Variants in KDELR2 observed in about 807,000 individuals in gnomAD.
KDELR2 encodes ER lumen protein-retaining receptor 2.
Under a neutral mutation model 23.9 loss-of-function variants are expected in KDELR2, and 15 were observed. The ratio of observed to expected loss-of-function variants is 0.63; its 90% CI spans 0.42 to 0.97. The LOEUF (loss-of-function observed/expected upper bound fraction) is 0.97. Among genes scored for constraint, KDELR2 ranks in the 50% least tolerant of loss-of-function variants. KDELR2 has a pLI of 0.00. For synonymous variants in KDELR2, 119 were observed against 106.2 expected, an observed-to-expected ratio of 1.12 and a Z score of -0.74; for missense variants, 272 against 254.6, an observed-to-expected ratio of 1.07 and a Z score of -0.46.
intron 1 of KDELR2, among the ~76,000 whole-genome samples, chr7:6,478,029 C>A (rs1169018015): frequency 6.6e-6 from 1 of 152,164 alleles, no homozygotes; most frequent in East Asian, 1.9e-4. Flanking sequence ...TGTCAAATTT[C>A]TCCTAGAAAG....
At chr7:6,478,779 T>C (rs1785814194) in intron 1 of KDELR2, among the ~76,000 whole-genome samples, 1 of 152,228 alleles carries the variant, frequency 6.6e-6, no homozygotes, top group Non-Finnish European at 1.5e-5. Flanking sequence ...CAAAGTTTAA[T>C]ATTTATTTTT....
chr7:6,465,310 A>G (rs1283803955), intron 4 of KDELR2, among the ~76,000 whole-genome samples: 2 of 150,844 alleles, frequency 1.3e-5, no homozygotes, highest in East Asian at 2.0e-4. Context: ...CAGCCTCCCG[A>G]GTAACTGGGA....
At chr7:6,483,249 T>C (rs938945880) in intron 1 of KDELR2, among the ~76,000 whole-genome samples, 7 of 152,140 alleles carry the variant, frequency 4.6e-5, no homozygotes, top group African/African-American at 1.7e-4. Context: ...AACCCATTAT[T>C]AGATGGAGGC....
chr7:6,466,292 G>C lies in KDELR2; in HGVS notation c.383C>G (p.Ser128Cys), dbSNP rs755032117. ...AAATAGCTGCGGAAGGATAGCCACG[G>C]ACTCCAGGTAGATGGAGAAGGTCCA... ...ILWTFSIYLE[S>C]VAILPQLFMI... is the part of the protein sequence containing the mutation. Residue 128 changes from serine (S) to cysteine (C), a missense_variant, in exon 4 of 5, where the codon TCC (serine) becomes TGC (cysteine). By Grantham distance (112) the Ser-to-Cys change is moderately radical (BLOSUM62 -1). Transcript: ENST00000258739. 59 of 1,613,954 alleles carry C rather than the reference G, an allele frequency of 3.7e-5. No homozygotes were observed. The highest frequency in any genetic ancestry group is 4.7e-5 in the Non-Finnish European group (56 of 1,180,008).
chr7:6,476,881 G>T (rs768022214), intron 1 of KDELR2, among the ~76,000 whole-genome samples: 7 of 152,160 alleles, frequency 4.6e-5, no homozygotes, highest in African/African-American at 1.7e-4. Flanking sequence ...ACCTCACTCA[G>T]TACCAAGATC....
chr7:6,477,769 C>T (rs1281377938), intron 1 of KDELR2, among the ~76,000 whole-genome samples: 1 of 152,078 alleles, frequency 6.6e-6, no homozygotes, highest in Non-Finnish European at 1.5e-5. Context: ...GCAATCTTCC[C>T]AATGAGGTAT....
At chr7:6,471,911 T>C (rs916192636) in intron 2 of KDELR2, among the ~76,000 whole-genome samples, 2 of 152,132 alleles carry the variant, frequency 1.3e-5, no homozygotes, top group Non-Finnish European at 2.9e-5. Flanking sequence ...TAACTTTTTT[T>C]TTTTTTTTGA....
intron 1 of KDELR2, among the ~76,000 whole-genome samples, chr7:6,483,159 G>A (rs1413028275): frequency 6.6e-6 from 1 of 152,196 alleles, no homozygotes; most frequent in African/African-American, 2.4e-5. Context: ...GAACCAGCCA[G>A]CTCACTGGTG....
chr7:6,463,761 A>G (rs2115320635), intron 4 of KDELR2, among the ~76,000 whole-genome samples: 1 of 151,638 alleles, frequency 6.6e-6, no homozygotes, highest in Non-Finnish European at 1.5e-5. Context: ...GATAAAAAAA[A>G]AAAAAAACAC....
At chr7:6,464,461 G>A (rs1785456567) in intron 4 of KDELR2, among the ~76,000 whole-genome samples, 1 of 152,094 alleles carries the variant, frequency 6.6e-6, no homozygotes, top group Non-Finnish European at 1.5e-5. Flanking sequence ...GGAGGTTGCA[G>A]TGAGCCGAGA....
intron 1 of KDELR2, 111 bp from the exon 2 acceptor site, chr7:6,474,395 C>T (rs1785713675): frequency 2.2e-5 from 16 of 719,444 alleles, no homozygotes; most frequent in Non-Finnish European, 3.5e-5. Context: ...GGGGTCAAGG[C>T]CCAGGTCTAG....
chr7:6,468,933 C>A (rs894933944), intron 3 of KDELR2, among the ~76,000 whole-genome samples: 4 of 151,552 alleles, frequency 2.6e-5, no homozygotes, highest in African/African-American at 9.7e-5. Flanking sequence ...GGTGAGCCAC[C>A]AGGCCCAGAC....
rs895671416 is a variant in KDELR2, at chr7:6,461,129, T to C, written c.*2012A>G. ...CCTTTATTCGGGAAGTGAAAGTAAC[T>C]GTGAAACAGTGCTTCATAAGGCGTG... On this transcript the variant is annotated 3_prime_UTR_variant, in exon 5 of 5. Coordinates refer to ENST00000258739, the MANE Select transcript of KDELR2 (RefSeq NM_006854.4). The C allele has an allele frequency of 1.3e-5, 2 of 152,216 alleles. No individual in the cohort carries two copies. The highest frequency in any genetic ancestry group is 2.4e-5 in the African/African-American group (1 of 41,452). 9.4% of individuals were successfully genotyped at this position (152,216 alleles called of 1,614,324 possible).
rs954234250 is a variant in KDELR2, at chr7:6,475,326, T to C, written c.92-1042A>G. Among the ~76,000 whole-genome samples, 35 of 151,520 alleles carry C rather than the reference T, an allele frequency of 2.3e-4. 1 individual carries two copies. The highest frequency in any genetic ancestry group is 2.9e-5 in the Non-Finnish European group (2 of 67,890). ...CCTGTGGTCCCAGCTACATGGGAGG[T>C]TGAGGTGGGAGGATTGCGTGACTCC... On this transcript the variant is annotated intron_variant, in intron 1 of 4. Transcript: ENST00000258739.
intron 1 of KDELR2, among the ~76,000 whole-genome samples, chr7:6,475,173 G>A (rs777382647): frequency 5.9e-5 from 9 of 152,176 alleles, no homozygotes; most frequent in Non-Finnish European, 8.8e-5. Context: ...GTTAGGCATA[G>A]TGGTCATGCC....
intron 2 of KDELR2, among the ~76,000 whole-genome samples, chr7:6,471,936 C>G (rs1356081725): frequency 1.3e-5 from 2 of 148,990 alleles, no homozygotes; most frequent in African/African-American, 5.0e-5. Flanking sequence ...GAGCCTTGCT[C>G]TGTCACCAGG....
rs547800423 is a variant in KDELR2, at chr7:6,478,746, A to C, written c.92-4462T>G. Among the ~76,000 whole-genome samples, 6 of 152,284 alleles carry C rather than the reference A, an allele frequency of 3.9e-5. No homozygotes were observed. In the South Asian group the frequency reaches 1.2e-3, roughly 32 times the overall value. ...AGGACCGTAGTATGAACATACATGC[A>C]GGTCATCTTCTATGTCCATCAGCAA... On this transcript the variant is annotated intron_variant, in intron 1 of 4. Coordinates refer to ENST00000258739, the MANE Select transcript of KDELR2 (RefSeq NM_006854.4).
At chr7:6,472,058 A>C (rs1375456840) in intron 2 of KDELR2, among the ~76,000 whole-genome samples, 1 of 152,056 alleles carries the variant, frequency 6.6e-6, no homozygotes, top group East Asian at 1.9e-4. Flanking sequence ...ATGCCGCCAC[A>C]CCCAGCTAAT....
intron 4 of KDELR2, among the ~76,000 whole-genome samples, chr7:6,464,026 A>G (rs1785443897): frequency 6.8e-6 from 1 of 147,698 alleles, no homozygotes; most frequent in African/African-American, 2.5e-5. Context: ...GAGAAACTCC[A>G]TCTCTACTAA....
Sources: gnomAD v4.1 joint callset for allele counts (sites outside exome capture counted in the v4.1 genomes callset) on GRCh38, gnomAD v4.1.1 for gene constraint, MANE v1.5 for transcripts, NCBI Gene and HGNC (gene_info 2026-07-23, HGNC 2026-07-21) for gene names.